The following CCDC171 variants were observed in gnomAD, a reference collection of about 807,000 sequenced individuals.
The protein encoded by CCDC171 is coiled-coil domain containing 171.
A neutral mutation model predicts 168.2 loss-of-function variants in CCDC171; 177 were observed. The observed-to-expected ratio is 1.05, with a 90% confidence interval of 0.93 to 1.19. The LOEUF (loss-of-function observed/expected upper bound fraction) is 1.19, where lower values mean the gene tolerates loss of function less well. Ranked by LOEUF, CCDC171 falls within the 50% of genes most tolerant of loss-of-function variation. CCDC171 has a pLI of 0.00. For synonymous variants in CCDC171, 687 were observed against 540.8 expected (o/e 1.27, Z -3.75); for missense variants, 1,991 against 1,539.0 (o/e 1.29, Z -4.91).
At chr9:15,809,155 C>T (rs868273990) in intron 21 of CCDC171, among the ~76,000 whole-genome samples, 1 of 152,088 alleles carries the variant, frequency 6.6e-6, no homozygotes, top group Non-Finnish European at 1.5e-5. Context: ...ATAAAACATT[C>T]AAATCATAGC....
chr9:15,558,219 C>T (rs1457536994), intron 1 of CCDC171, among the ~76,000 whole-genome samples: 1 of 152,054 alleles, frequency 6.6e-6, no homozygotes, highest in African/African-American at 2.4e-5. Flanking sequence ...GTGTCTCTGC[C>T]AGGCTTTGGT....
At chr9:16,101,698 G>C in the CCDC171 span, among the ~76,000 whole-genome samples, 1 of 152,240 alleles carries the variant, frequency 6.6e-6, no homozygotes, top group African/African-American at 2.4e-5. Flanking sequence ...CCTTGAAGGA[G>C]CAAACTGCTG....
At chr9:15,597,449 A>C (rs1359122201) in intron 6 of CCDC171, among the ~76,000 whole-genome samples, 3 of 152,140 alleles carry the variant, frequency 2.0e-5, no homozygotes, top group African/African-American at 7.2e-5. Flanking sequence ...GATTACGTTT[A>C]TTGATTTGCA....
At chr9:15,888,980 C>G (rs1819832832) in intron 24 of CCDC171, 1 of 72,872 alleles carries the variant, frequency 1.4e-5, no homozygotes, top group Admixed American at 2.4e-4. Context: ...TTTTTTGAGA[C>G]AGGGTCTTAC....
chr9:15,718,248 G>A (rs144575831), intron 11 of CCDC171, among the ~76,000 whole-genome samples: 1 of 152,164 alleles, frequency 6.6e-6, no homozygotes, highest in South Asian at 2.1e-4. Context: ...AGACTCCTCT[G>A]CTATGGAAAT....
chr9:15,966,816 T>C (rs1251942804), intron 25 of CCDC171, among the ~76,000 whole-genome samples: 1 of 152,188 alleles, frequency 6.6e-6, no homozygotes, highest in Non-Finnish European at 1.5e-5. Context: ...CAGCTTGTTA[T>C]TGGTAGCTAA....
At chr9:16,033,910 G>A (rs1564129143) in intron 6 of CCDC171, among the ~76,000 whole-genome samples, 2 of 152,180 alleles carry the variant, frequency 1.3e-5, no homozygotes, top group Admixed American at 1.3e-4. Flanking sequence ...GTTGTCAGTG[G>A]TGCCCACACA....
At chr9:16,023,113 A>T (rs990505695) in intron 6 of CCDC171, among the ~76,000 whole-genome samples, 1 of 151,034 alleles carries the variant, frequency 6.6e-6, no homozygotes, top group Non-Finnish European at 1.5e-5. Flanking sequence ...TTTTTTTTTT[A>T]AATGGAGTCT....
rs115940611 is a variant in CCDC171, at chr9:15,578,892, T to C, written c.221T>C (p.Val74Ala). 2,869 of 1,613,702 alleles carry C rather than the reference T, an allele frequency of 1.8e-3. 62 individuals carry two copies. In the African/African-American group the frequency reaches 0.034, roughly 19 times the overall value. ...CAGATTGCCAAGCTACGGTCCGAGG[T>C]TGAAAAGGGAGAAGCATTGCGACAA... ...ESQIAKLRSE[V>A]EKGEALRQSL... The change falls in exon 4 of 26, where the codon GTT (valine) becomes GCT (alanine). Residue 74 changes from valine (V) to alanine (A), a missense_variant. Transcript: ENST00000380701.
the CCDC171 span, among the ~76,000 whole-genome samples, chr9:16,094,510 G>A: frequency 3.3e-5 from 5 of 152,152 alleles, no homozygotes; most frequent in African/African-American, 1.2e-4. Context: ...TGACCAATTT[G>A]ATGTGGGTAT....
chr9:15,771,926 G>A (rs545488500), intron 18 of CCDC171, among the ~76,000 whole-genome samples: 7 of 152,110 alleles, frequency 4.6e-5, no homozygotes, highest in South Asian at 2.1e-4. Context: ...TCTGCCTCCC[G>A]GGTTCAAGTG....
At chr9:15,764,121 A>C (rs1328027343) in intron 18 of CCDC171, among the ~76,000 whole-genome samples, 1 of 152,200 alleles carries the variant, frequency 6.6e-6, no homozygotes, top group Non-Finnish European at 1.5e-5. Context: ...TGGCTGAACC[A>C]GAGTCAATAG....
intron 23 of CCDC171, among the ~76,000 whole-genome samples, chr9:15,870,977 A>G (rs962701874): frequency 7.9e-5 from 12 of 151,176 alleles, no homozygotes; most frequent in Non-Finnish European, 1.5e-4. Flanking sequence ...TATTTCATGG[A>G]ACTGTTTTGA....
At chr9:15,789,286 C>G (rs912951592) in intron 21 of CCDC171, among the ~76,000 whole-genome samples, 1 of 152,040 alleles carries the variant, frequency 6.6e-6, no homozygotes, top group South Asian at 2.1e-4. Flanking sequence ...TTCCAAAATG[C>G]AAAAATATTC....
intron 25 of CCDC171, among the ~76,000 whole-genome samples, chr9:15,951,318 T>C (rs1009431685): frequency 9.9e-5 from 15 of 151,898 alleles, no homozygotes; most frequent in African/African-American, 3.6e-4. Flanking sequence ...CAACAGAATA[T>C]ACATTTTTTT....
chr9:15,815,156 A>G (rs1341838956), intron 21 of CCDC171, among the ~76,000 whole-genome samples: 2 of 152,138 alleles, frequency 1.3e-5, no homozygotes, highest in East Asian at 1.9e-4. Flanking sequence ...TACTTCTGCT[A>G]TCTTGTCTTT....
At chr9:15,977,707 G>A (rs1006482628), downstream of CCDC171, among the ~76,000 whole-genome samples, 2 of 152,112 alleles carry the variant, frequency 1.3e-5, no homozygotes, top group African/African-American at 4.8e-5. Context: ...AATGTTGTGC[G>A]GCTATAGGAA....
chr9:16,048,161 A>T (rs1437062877), intron 1 of CCDC171, among the ~76,000 whole-genome samples: 5 of 152,216 alleles, frequency 3.3e-5, no homozygotes, highest in Admixed American at 2.0e-4. Context: ...CCTCTGTAAG[A>T]ATTCGCTACT....
At chr9:15,652,340 G>C (rs1046139480) in intron 7 of CCDC171, among the ~76,000 whole-genome samples, 15 of 151,988 alleles carry the variant, frequency 9.9e-5, no homozygotes, top group African/African-American at 3.6e-4. Flanking sequence ...AAAATAAATT[G>C]ACCACCCATT....
Sources: allele counts gnomAD v4.1 joint callset (sites outside exome capture counted in the v4.1 genomes callset), GRCh38; gene constraint gnomAD v4.1.1; transcripts MANE v1.5; gene names NCBI Gene and HGNC (gene_info 2026-07-23, HGNC 2026-07-21).